The following NID2 variants were observed in gnomAD, a reference collection of about 807,000 sequenced individuals.
The protein encoded by NID2 is nidogen-2.
NID2 carries 83 observed loss-of-function variants against 145.4 expected under a neutral mutation model. The ratio of observed to expected loss-of-function variants is 0.57; its 90% CI spans 0.48 to 0.69. NID2 has a LOEUF of 0.69. Among genes scored for constraint, NID2 ranks in the 30% least tolerant of loss-of-function variants. The pLI is 0.00. For missense variants in NID2, 1,807 were observed against 1,765.7 expected (o/e 1.02, Z -0.42); for synonymous variants, 739 against 701.3 (o/e 1.05, Z -0.85).
chr14:52,040,966 TTATCTGA>T, intron 7 of NID2, 115 bp from the exon 8 acceptor site: 1 of 855,100 alleles, frequency 1.2e-6, no homozygotes, highest in Middle Eastern at 3.3e-4. Context: ...CCTAAGGAGA[TTATCTGA>T]TATCTGAGAG....
intron 14 of NID2, among the ~76,000 whole-genome samples, chr14:52,017,661 G>A (rs1317111713): frequency 6.6e-6 from 1 of 152,018 alleles, no homozygotes; most frequent in African/African-American, 2.4e-5. Flanking sequence ...GATGGAGTTA[G>A]AACCAAGACA....
At chr14:52,020,472 T>C (rs553567682) in intron 12 of NID2, among the ~76,000 whole-genome samples, 59 of 152,362 alleles carry the variant, frequency 3.9e-4, no homozygotes, top group Admixed American at 2.0e-3. Flanking sequence ...GCATGTTTCA[T>C]TGACAGTGAA....
At position 52,026,047 on chromosome 14, in the gene NID2, AACC is replaced by A. The variant is rs569782061; in HGVS notation, c.2674+1151_2674+1153del. On this transcript the variant is annotated intron_variant, in intron 12 of 21. Transcript: ENST00000216286. Reference sequence around the variant, plus strand: ...GGAAAGAGTAAGAATGAGGCTCAGAAACCACCATGTGCACTTGCCCCATCCAGA... The same window carrying A: ...GGAAAGAGTAAGAATGAGGCTCAGAAACCATGTGCACTTGCCCCATCCAGA... 3.0e-4 allele frequency among the ~76,000 whole-genome samples: 45 copies of A among 152,330 alleles called. 1 individual carries two copies. The South Asian group carries it at 9.1e-3, about 31-fold the overall frequency.
At chr14:52,033,352 G>A (rs993875813) in intron 9 of NID2, among the ~76,000 whole-genome samples, 1 of 152,154 alleles carries the variant, frequency 6.6e-6, no homozygotes, top group East Asian at 1.9e-4. Flanking sequence ...GAAGTGGAAG[G>A]ACAGGAAGCA....
chr14:52,047,632 A>G (rs1892549603), intron 5 of NID2, among the ~76,000 whole-genome samples: 1 of 152,174 alleles, frequency 6.6e-6, no homozygotes, highest in Non-Finnish European at 1.5e-5. Flanking sequence ...GGTCTGGGAT[A>G]TTCTGAAGGT....
At chr14:52,015,485 GCTT>G (rs1028977607) in intron 14 of NID2, among the ~76,000 whole-genome samples, 10 of 152,184 alleles carry the variant, frequency 6.6e-5, no homozygotes, top group Non-Finnish European at 1.3e-4. Flanking sequence ...ATCATGTGAT[GCTT>G]CTTTCTTGCC....
chr14:52,054,639 T>C (rs1892789963), intron 3 of NID2, among the ~76,000 whole-genome samples: 1 of 152,174 alleles, frequency 6.6e-6, no homozygotes, highest in Non-Finnish European at 1.5e-5. Context: ...GCCCAGCAGT[T>C]CCAGGTTACA....
chr14:52,030,555 AG>A (rs1279293520), intron 9 of NID2, among the ~76,000 whole-genome samples: 3 of 71,528 alleles, frequency 4.2e-5, no homozygotes, highest in African/African-American at 1.5e-4. Context: ...AAAGAAAGAA[AG>A]AAAGAAAGAA....
intron 18 of NID2, chr14:52,008,551 A>G (rs919527869): frequency 6.6e-6 from 1 of 152,000 alleles, no homozygotes; most frequent in Non-Finnish European, 1.5e-5. Flanking sequence ...ATACACAGCC[A>G]TATTCCACTT....
intron 20 of NID2, chr14:52,006,250 T>G (rs111361886): frequency 3.8e-4 from 153 of 406,388 alleles, no homozygotes; most frequent in African/African-American, 2.7e-3. Context: ...AGAACATATT[T>G]AGATTAATAT....
At chr14:52,048,891 A>G (rs1399081218) in intron 5 of NID2, among the ~76,000 whole-genome samples, 1 of 152,182 alleles carries the variant, frequency 6.6e-6, no homozygotes, top group African/African-American at 2.4e-5. Context: ...GCGCTTGGAA[A>G]TCAGTGTTTT....
chr14:52,011,633 G>C lies in NID2; in HGVS notation c.3471C>G (p.Tyr1157Ter), dbSNP rs763519335. The C allele has an allele frequency of 6.2e-7, 1 of 1,614,182 alleles. No individual in the cohort carries two copies. Among genetic ancestry groups the C allele is most frequent in the Non-Finnish European group, 8.5e-7 (1 of 1,180,014 alleles). ...IDYDCRERMV[Y>*]WTDVAGRTIS... The stretch of plus-strand genomic sequence containing the variant: ...TTGTCCGTCCAGCAACATCTGTCCA[G>C]TACACCATCCTCTCCCGGCAGTCGT... The change falls in exon 17 of 22, where the codon TAC (tyrosine) becomes TAG (stop). Residue 1157 changes from tyrosine (Y) to a stop codon, truncating the protein, a stop_gained. Coordinates refer to ENST00000216286, the MANE Select transcript of NID2 (RefSeq NM_007361.4). LOFTEE classifies it high-confidence loss of function.
chr14:52,028,955 C>A, intron 10 of NID2, 105 bp from the exon 11 acceptor site: 2 of 1,089,576 alleles, frequency 1.8e-6, no homozygotes, highest in Non-Finnish European at 2.6e-6. Flanking sequence ...TTCAATGGGA[C>A]AAATGGTTGG....
rs1199011530 is a variant in NID2 at position 52,011,571 on chromosome 14, T to C, written c.3533A>G (p.Glu1178Gly). ...RAGLELGAEP[E>G]TIVNSGLISP... ...CTGCTGACCTGAATTCACGATCGTC[T>C]CAGGCTCTGCTCCCAGTTCCAGACC... The change falls in exon 17 of 22, where the codon GAG becomes GGG. Residue 1178 changes from glutamate to glycine, a missense_variant. Glu to Gly is a moderately conservative substitution (Grantham distance 98). Coordinates refer to ENST00000216286, the MANE Select transcript of NID2 (RefSeq NM_007361.4). 1 of 1,614,210 alleles carries C rather than the reference T, an allele frequency of 6.2e-7. No individual in the cohort carries two copies. Among genetic ancestry groups the C allele is most frequent in the Non-Finnish European group, 8.5e-7 (1 of 1,180,038 alleles).
intron 2 of NID2, among the ~76,000 whole-genome samples, chr14:52,067,050 T>C (rs758901538): frequency 2.0e-5 from 3 of 152,206 alleles, no homozygotes; most frequent in African/African-American, 4.8e-5. Flanking sequence ...TCAAGAACTT[T>C]ATCAAAAGTG....
At chr14:52,048,439 ACTT>A (rs1465353332) in intron 5 of NID2, among the ~76,000 whole-genome samples, 3 of 152,088 alleles carry the variant, frequency 2.0e-5, no homozygotes, top group African/African-American at 7.2e-5. Context: ...AAGAGGCTGA[ACTT>A]CTTGAAGGCT....
At chr14:52,024,235 T>A (rs1595015857) in intron 12 of NID2, among the ~76,000 whole-genome samples, 2 of 152,286 alleles carry the variant, frequency 1.3e-5, no homozygotes, top group Middle Eastern at 6.8e-3. Context: ...TCTTGTGTAA[T>A]CCCCACCCTT....
At chr14:52,053,476 T>A in intron 5 of NID2, 103 bp downstream of exon 5, 4 of 1,268,236 alleles carry the variant, frequency 3.2e-6, no homozygotes, top group Non-Finnish European at 4.4e-6. Context: ...ATCTTCTTTT[T>A]GCTAAACTTT....
rs1229338035 is a variant in NID2 at position 52,054,221 on chromosome 14, C to T, written c.868G>A (p.Ala290Thr). 6.2e-7 allele frequency: 1 copy of T among 1,614,122 alleles called. No homozygotes were observed. The highest frequency in any genetic ancestry group is 1.1e-5 in the South Asian group (1 of 91,078). Residue 290 changes from alanine to threonine, a missense_variant, in exon 4 of 22, where the codon GCC becomes ACC. Coordinates refer to ENST00000216286, the MANE Select transcript of NID2 (RefSeq NM_007361.4). ...RPAAVGDLSA[A>T]HSSVPLGRSF... ...CGTCCCAGGGGAACAGAAGAGTGGG[C>T]AGCGGAAAGGTCTCCAACTGCAGCT...
Sources: gnomAD v4.1 joint callset for allele counts (sites outside exome capture counted in the v4.1 genomes callset) on GRCh38, gnomAD v4.1.1 for gene constraint, MANE v1.5 for transcripts, NCBI Gene and HGNC (gene_info 2026-07-23, HGNC 2026-07-21) for gene names.